ARMC6: variants seen among roughly 807,000 people sequenced by gnomAD.
ARMC6 encodes the protein armadillo repeat-containing protein 6.
A neutral mutation model predicts 49.2 loss-of-function variants in ARMC6; 43 were observed. The observed-to-expected ratio is 0.87, with a 90% confidence interval of 0.69 to 1.13. The LOEUF is 1.13. Among genes scored for constraint, ARMC6 ranks in the 50% most tolerant of loss-of-function variants. The pLI is 0.00. For synonymous variants in ARMC6, 262 were observed against 289.6 expected, an observed-to-expected ratio of 0.90 and a Z score of 0.97; for missense variants, 627 against 682.0, an observed-to-expected ratio of 0.92 and a Z score of 0.90.
Position 19,055,166 on chromosome 19 carries a change from C to A in ARMC6, c.1024-99C>A, listed in dbSNP as rs2059532762. 6.9e-7 allele frequency: 1 copy of A among 1,448,526 alleles called. No homozygotes were observed. The allele number at this position is 1,448,526 out of a possible 1,614,324, so 89.7% of individuals were successfully genotyped here. A position where few individuals can be genotyped will look rare whatever the true frequency, so the allele number is the denominator to read the frequency against. On this transcript the variant is annotated intron_variant, in intron 6 of 8. Transcript: ENST00000535612. This position sits in a 1 kb window ranked among gnomAD's most constrained non-coding sequence, Gnocchi z 5.7. ...GTCACACCCTGCAGTCACACCATAC[C>A]TGTTGGTCAAACAGCAAAACAGCCC... is the stretch of plus-strand genomic sequence containing the variant.
At chr19:19,039,882 G>A (rs1350829422) in intron 2 of ARMC6, among the ~76,000 whole-genome samples, 1 of 152,188 alleles carries the variant, frequency 6.6e-6, no homozygotes, top group Admixed American at 6.5e-5. Flanking sequence ...CCCTAGTAGG[G>A]ATTTTGCAGA....
At position 19,055,058 on chromosome 19, in the gene ARMC6, G is replaced by A. The variant is rs534443620; in HGVS notation, c.1024-207G>A. On this transcript the variant is annotated intron_variant, in intron 6 of 8. Transcript: ENST00000535612. The surrounding 1 kb of genome is among the most constrained non-coding windows in gnomAD (Gnocchi z 5.7). ...GTCACATGCCCCCGCTGCCCCTGTC[G>A]GGGTAGGGGATCAAGTCACCTGGAT... is the stretch of plus-strand genomic sequence containing the variant. Among the ~76,000 whole-genome samples, 61 of 152,286 alleles carry A rather than the reference G, an allele frequency of 4.0e-4. No individual in the cohort carries two copies. The highest frequency in any genetic ancestry group is 6.5e-4 in the Admixed American group (10 of 15,290).
At chr19:19,053,415 A>G (rs2059515353) in intron 5 of ARMC6, among the ~76,000 whole-genome samples, 1 of 152,180 alleles carries the variant, frequency 6.6e-6, no homozygotes, top group Non-Finnish European at 1.5e-5. Context: ...TGAGCCTAGG[A>G]AGGAGAAATT....
In ARMC6 at chr19:19,055,919, C is replaced by T. The variant is rs778200629; in HGVS notation, c.1284C>T (p.Ala428=). ...CCATGAAGGCACACCCGCAGAAGGC[C>T]GGCGTGCAGGTGGGCAGGGCAGGGG... ...LQAMKAHPQK[A]GVQKQACMLI... Residue 428 remains alanine, a synonymous_variant, in exon 8 of 9, where the codon GCC becomes GCT. Coordinates refer to ENST00000535612, the MANE Select transcript of ARMC6 (RefSeq NM_001199196.2). This position sits in a 1 kb window ranked among gnomAD's most constrained non-coding sequence, Gnocchi z 5.7. 6.8e-6 allele frequency: 11 copies of T among 1,609,692 alleles called. No homozygotes were observed. In the South Asian group the frequency reaches 7.7e-5, roughly 11 times the overall value.
At chr19:19,036,474 G>A (rs2059369499) in intron 2 of ARMC6, among the ~76,000 whole-genome samples, 1 of 152,158 alleles carries the variant, frequency 6.6e-6, no homozygotes, top group Non-Finnish European at 1.5e-5. Flanking sequence ...AATTTACATT[G>A]CCAGGGTGAC....
chr19:19,055,529 C>G lies in ARMC6; in HGVS notation c.1155+133C>G, dbSNP rs1599651086. On this transcript the variant is annotated intron_variant, in intron 7 of 8. Coordinates refer to ENST00000535612, the MANE Select transcript of ARMC6 (RefSeq NM_001199196.2). This position sits in a 1 kb window ranked among gnomAD's most constrained non-coding sequence, Gnocchi z 5.7. Reference sequence around the variant, plus strand: ...GGTGAGGGTCGTGGGCATTGGCTCTCAAATGCTGACCTGCGTATGCATGAC... The same window carrying G: ...GGTGAGGGTCGTGGGCATTGGCTCTGAAATGCTGACCTGCGTATGCATGAC... 9.0e-6 allele frequency: 12 copies of G among 1,335,510 alleles called. No homozygotes were observed. The East Asian group carries it at 3.0e-4, about 33-fold the overall frequency. The allele number at this position is 1,335,510 out of a possible 1,614,324, so 82.7% of individuals were successfully genotyped here.
chr19:19,037,916 C>T (rs1025064719), intron 2 of ARMC6, among the ~76,000 whole-genome samples: 34 of 152,164 alleles, frequency 2.2e-4, no homozygotes, highest in African/African-American at 8.2e-4. Flanking sequence ...GGTCCCTGGC[C>T]TGTTAGGACC....
At chr19:19,037,702 A>T in intron 2 of ARMC6, 1 of 1,145,582 alleles carries the variant, frequency 8.7e-7, no homozygotes, top group Non-Finnish European at 1.1e-6. Flanking sequence ...TACTGCAATA[A>T]GCAAGGTGGA....
At position 19,042,726 on chromosome 19, in the gene ARMC6, C is replaced by T. The variant is rs774477418; in HGVS notation, c.45C>T (p.Ile15=). 1.4e-5 allele frequency: 22 copies of T among 1,612,934 alleles called. No homozygotes were observed. The highest frequency in any genetic ancestry group is 6.7e-5 in the Admixed American group (4 of 59,988). The change falls in exon 3 of 9, where the codon ATC becomes ATT. Residue 15 remains isoleucine, a synonymous_variant. Coordinates refer to ENST00000535612, the MANE Select transcript of ARMC6 (RefSeq NM_001199196.2). ...AACCTCTCAGCTCAGGAGCATCTAT[C>T]GGCTGCACGCCAACATCAACACAGG... ...CCSRYSSGAS[I]GCTPTSTQAK... is the part of the protein sequence containing the mutation.
chr19:19,052,823 G>T (rs1350794798), intron 5 of ARMC6, among the ~76,000 whole-genome samples: 1 of 152,198 alleles, frequency 6.6e-6, no homozygotes, highest in South Asian at 2.1e-4. Context: ...AGGCCTGTGT[G>T]GGGGTTCTGG....
In ARMC6 at chr19:19,052,032, C is replaced by A. The variant is rs985923239; in HGVS notation, c.690C>A (p.Thr230=). The change falls in exon 5 of 9, where the codon ACC becomes ACA. Residue 230 remains threonine, a synonymous_variant. Coordinates refer to ENST00000535612, the MANE Select transcript of ARMC6 (RefSeq NM_001199196.2). ...TGCCTCTGCTGACTGGTGCCATCAC[C>A]CATCATGGCCACCACACTGACGTGG... is the stretch of plus-strand genomic sequence containing the variant. ...GVLPLLTGAI[T]HHGHHTDVVR... The A allele has an allele frequency of 6.2e-7, 1 of 1,613,894 alleles. No homozygotes were observed. The highest frequency in any genetic ancestry group is 1.3e-5 in the African/African-American group (1 of 74,946).
chr19:19,042,991 T>TA, intron 3 of ARMC6, 114 bp downstream of exon 3: 1 of 1,210,604 alleles, frequency 8.3e-7, no homozygotes. Context: ...AGAAACCAGG[T>TA]GCCATTGGGC....
chr19:19,055,390 C>A lies in ARMC6; in HGVS notation c.1149C>A (p.Ser383Arg). 1 of 1,601,236 alleles carries A rather than the reference C, an allele frequency of 6.2e-7. No individual in the cohort carries two copies. Among genetic ancestry groups the A allele is most frequent in the East Asian group, 2.2e-5 (1 of 44,588 alleles). ...CTGCTATGACCCAGCATCTGACCAG[C>A]CCCCAGGTACCCACCTCGGGGGGCA... ...IVAAMTQHLT[S>R]PQVCEQSCAA... The change falls in exon 7 of 9, where the codon AGC becomes AGA. Residue 383 changes from serine to arginine, a missense_variant. Coordinates refer to ENST00000535612, the MANE Select transcript of ARMC6 (RefSeq NM_001199196.2). This position sits in a 1 kb window ranked among gnomAD's most constrained non-coding sequence, Gnocchi z 5.7.
At position 19,035,116 on chromosome 19, in the gene ARMC6, G is replaced by A. The variant is rs2059346007; in HGVS notation, c.29+878G>A. On this transcript the variant is annotated intron_variant, in intron 2 of 8. Transcript: ENST00000535612. ...CCTGACCTCATGATCCGCCCGCTTC[G>A]GCCTCCCAAAGTGCTGGGATTACAG... Among the ~76,000 whole-genome samples, 6 of 152,188 alleles carry A rather than the reference G, an allele frequency of 3.9e-5. No homozygotes were observed. In the South Asian group the frequency reaches 1.2e-3, roughly 32 times the overall value.
intron 8 of ARMC6, 77 bp downstream of exon 8, chr19:19,056,005 G>A: frequency 6.7e-7 from 1 of 1,484,964 alleles, no homozygotes; most frequent in Non-Finnish European, 9.0e-7. Flanking sequence ...ATGGGAGCAG[G>A]TGCGGTGTGC....
At chr19:19,043,612 A>G (rs1043412736) in intron 3 of ARMC6, among the ~76,000 whole-genome samples, 6 of 152,134 alleles carry the variant, frequency 3.9e-5, no homozygotes, top group African/African-American at 1.4e-4. Context: ...GGGTGCCAGC[A>G]GGGGCAAGAA....
chr19:19,049,005 C>T (rs578218314), intron 4 of ARMC6, among the ~76,000 whole-genome samples: 20 of 151,730 alleles, frequency 1.3e-4, no homozygotes, highest in African/African-American at 4.4e-4. Flanking sequence ...TTCAGGTTAC[C>T]TTTGGAATAC....
Position 19,057,731 on chromosome 19 carries a change from C to A in ARMC6, c.*103C>A, listed in dbSNP as rs1045148460. On this transcript the variant is annotated 3_prime_UTR_variant, in exon 9 of 9. Transcript: ENST00000535612. ...TCCCCCATTAGTTCTGTCCCCTTCA[C>A]AATGAGAAGTGTTTTCTGGCAGGCC... The A allele has an allele frequency of 1.7e-6, 2 of 1,155,030 alleles. No individual in the cohort carries two copies. The highest frequency in any genetic ancestry group is 1.5e-5 in the African/African-American group (1 of 64,860). The allele number at this position is 1,155,030 out of a possible 1,614,324, so 71.5% of individuals were successfully genotyped here.
intron 8 of ARMC6, among the ~76,000 whole-genome samples, chr19:19,056,386 C>G (rs10403222): frequency 0.72 from 108,578 of 151,632 alleles, 39,213 homozygotes; most frequent in East Asian, 0.89. Context: ...CTCAGTCTCC[C>G]GAGTAGCTGG....
Sources: allele counts gnomAD v4.1 joint callset (sites outside exome capture counted in the v4.1 genomes callset), GRCh38; gene constraint gnomAD v4.1.1; non-coding constraint Gnocchi (gnomAD v3.1); transcripts MANE v1.5; gene names NCBI Gene and HGNC (gene_info 2026-07-23, HGNC 2026-07-21).